LRRC37A3: variants seen among roughly 807,000 people sequenced by gnomAD.
The protein encoded by LRRC37A3 is leucine rich repeat containing 37 member A3, also known as leucine-rich repeat-containing protein 37A3.
LRRC37A3 carries 25 observed loss-of-function variants against 106.2 expected under a neutral mutation model. The ratio of observed to expected loss-of-function variants is 0.24; its 90% CI spans 0.17 to 0.33. The LOEUF (loss-of-function observed/expected upper bound fraction) is 0.33. LRRC37A3 is among the 10% of genes least tolerant of loss of function. The probability of loss-of-function intolerance (pLI) is 1.00; values close to 1 mark genes in which losing one functional copy is unlikely to be tolerated. For missense variants in LRRC37A3, 712 were observed against 1,644.9 expected (o/e 0.43, Z 9.81); for synonymous variants, 305 against 635.8 (o/e 0.48, Z 7.83).
Position 64,860,178 on chromosome 17 carries a change from T to G in LRRC37A3, c.3968A>C (p.Lys1323Thr). Residue 1323 changes from lysine to threonine, a missense_variant, in exon 12 of 15, where the codon AAG (lysine) becomes ACG (threonine). Coordinates refer to ENST00000584306, the MANE Select transcript of LRRC37A3 (RefSeq NM_199340.5). ...ACTTTTCTTTCTGACCTTTGGACTC[T>G]TTTTGACCTTGGGTGTTCTGTGGGT... ...RMTHRTPKVK[K>T]SPKVRKKSYL... 2 of 1,614,004 alleles carry G rather than the reference T, an allele frequency of 1.2e-6. No individual in the cohort carries two copies. The highest frequency in any genetic ancestry group is 1.7e-6 in the Non-Finnish European group (2 of 1,179,872).
Position 64,860,901 on chromosome 17 carries a change from C to A in LRRC37A3, c.3245G>T (p.Ser1082Ile). The A allele has an allele frequency of 6.2e-7, 1 of 1,614,150 alleles. No individual in the cohort carries two copies. Among genetic ancestry groups the A allele is most frequent in the Non-Finnish European group, 8.5e-7 (1 of 1,180,008 alleles). The stretch of plus-strand genomic sequence containing the variant: ...CTCCGGCTCAATAATCAGCTCAGTG[C>A]TTGTGTAATTCTTCCGGGCTTGTAA... ...KVLQARKNYT[S>I]TELIIEPEEP... The change falls in exon 12 of 15, where the codon AGC becomes ATC. Residue 1082 changes from serine to isoleucine, a missense_variant. Ser to Ile is a moderately radical substitution (Grantham distance 142). Coordinates refer to ENST00000584306, the MANE Select transcript of LRRC37A3 (RefSeq NM_199340.5).
At chr17:64,873,889 A>G (rs558009110) in intron 8 of LRRC37A3, among the ~76,000 whole-genome samples, 1 of 152,268 alleles carries the variant, frequency 6.6e-6, no homozygotes, top group Admixed American at 6.5e-5. Context: ...TGAAGAAATG[A>G]TGGCCCCAAA....
chr17:64,915,469 A>T (rs1974683773), intron 2 of LRRC37A3, among the ~76,000 whole-genome samples: 2 of 152,266 alleles, frequency 1.3e-5, no homozygotes, highest in African/African-American at 4.8e-5. Context: ...TGGAACAGCT[A>T]TTATCATTCA....
At chr17:64,866,632 T>A (rs868248149) in intron 10 of LRRC37A3, among the ~76,000 whole-genome samples, 66 of 55,464 alleles carry the variant, frequency 1.2e-3, no homozygotes, top group East Asian at 2.1e-3. Flanking sequence ...ATATATATTT[T>A]TTTTTTTTTT....
At chr17:64,854,845 A>G (rs1046738086) in intron 14 of LRRC37A3, among the ~76,000 whole-genome samples, 1 of 152,158 alleles carries the variant, frequency 6.6e-6, no homozygotes, top group African/African-American at 2.4e-5. Flanking sequence ...AGAGGTTTGT[A>G]CATATCTTTA....
chr17:64,862,313 A>T (rs1353190970), intron 11 of LRRC37A3, among the ~76,000 whole-genome samples: 1 of 152,152 alleles, frequency 6.6e-6, no homozygotes. Context: ...TTGTGAACAG[A>T]AAGGTTTGAG....
chr17:64,916,214 G>A (rs1261860752), intron 2 of LRRC37A3, among the ~76,000 whole-genome samples: 1 of 151,988 alleles, frequency 6.6e-6, no homozygotes, highest in Non-Finnish European at 1.5e-5. Context: ...GACCATCCTG[G>A]CTAACATGGT....
intron 2 of LRRC37A3, chr17:64,909,530 G>C (rs1457467104): frequency 3.9e-5 from 6 of 152,132 alleles, no homozygotes; most frequent in African/African-American, 1.2e-4. Context: ...CAAATCTACA[G>C]AATCCCAGGT....
At chr17:64,861,059 G>C in intron 11 of LRRC37A3, 86 bp from the exon 12 acceptor site, 1 of 1,603,156 alleles carries the variant, frequency 6.2e-7, no homozygotes, top group Non-Finnish European at 8.5e-7. Context: ...CAGTCACACA[G>C]AGTAGGAGTC....
intron 8 of LRRC37A3, among the ~76,000 whole-genome samples, chr17:64,878,831 C>T (rs1296300082): frequency 6.6e-6 from 1 of 152,206 alleles, no homozygotes; most frequent in African/African-American, 2.4e-5. Flanking sequence ...GCTAGGGATG[C>T]ACCCTAGAAT....
Position 64,897,253 on chromosome 17 carries a change from G to A in LRRC37A3, c.5C>T (p.Thr2Ile). 1 of 1,609,808 alleles carries A rather than the reference G, an allele frequency of 6.2e-7. No individual in the cohort carries two copies. The highest frequency in any genetic ancestry group is 1.4e-5 in the African/African-American group (1 of 72,418). Reference sequence around the variant, plus strand: ...CGCTAGTGCCGGGCACTGAGCGGAAGTCATTCTGGCAGCTCCGAGACGCTC... The same window carrying A: ...CGCTAGTGCCGGGCACTGAGCGGAAATCATTCTGGCAGCTCCGAGACGCTC... Reference protein sequence around the residue: MTSAQCPALACV... With the variant: MISAQCPALACV... Residue 2 changes from threonine (T) to isoleucine (I), a missense_variant, in exon 4 of 15, where the codon ACT becomes ATT. Thr to Ile is a moderately conservative substitution (Grantham distance 89). Coordinates refer to ENST00000584306, the MANE Select transcript of LRRC37A3 (RefSeq NM_199340.5).
chr17:64,861,360 G>C (rs539629933), intron 11 of LRRC37A3, among the ~76,000 whole-genome samples: 1 of 152,318 alleles, frequency 6.6e-6, no homozygotes, highest in South Asian at 2.1e-4. Flanking sequence ...GATGCAGAGA[G>C]AGCACAAGGC....
chr17:64,883,553 A>G (rs1333218544), intron 8 of LRRC37A3, among the ~76,000 whole-genome samples: 3 of 151,924 alleles, frequency 2.0e-5, no homozygotes, highest in African/African-American at 4.8e-5. Flanking sequence ...GGCTCTATTC[A>G]TCATCGATCA....
intron 8 of LRRC37A3, among the ~76,000 whole-genome samples, chr17:64,871,306 G>A (rs925677056): frequency 3.9e-5 from 6 of 152,136 alleles, no homozygotes; most frequent in Non-Finnish European, 8.8e-5. Context: ...GCTGAGGCAG[G>A]AGAATTGCTT....
chr17:64,874,403 C>A (rs1180539721), intron 8 of LRRC37A3, among the ~76,000 whole-genome samples: 1 of 150,662 alleles, frequency 6.6e-6, no homozygotes. Context: ...AGGAGCCCCT[C>A]CGCCCGGCAG....
chr17:64,856,862 G>A (rs983595773), intron 13 of LRRC37A3, among the ~76,000 whole-genome samples: 7 of 151,898 alleles, frequency 4.6e-5, no homozygotes, highest in African/African-American at 1.2e-4. Context: ...CTGCCTGCCT[G>A]TAGTCCCAGC....
intron 13 of LRRC37A3, among the ~76,000 whole-genome samples, chr17:64,857,384 A>G (rs1972712230): frequency 6.6e-6 from 1 of 152,264 alleles, no homozygotes; most frequent in Non-Finnish European, 1.5e-5. Context: ...TTAACAAGAA[A>G]TGAATACATG....
intron 8 of LRRC37A3, among the ~76,000 whole-genome samples, chr17:64,869,370 C>A (rs1335351635): frequency 6.6e-6 from 1 of 151,324 alleles, no homozygotes; most frequent in East Asian, 1.9e-4. Context: ...AAGGATAGAA[C>A]GCGGGGAAGA....
intron 2 of LRRC37A3, among the ~76,000 whole-genome samples, chr17:64,916,709 C>G (rs1295894944): frequency 6.6e-6 from 1 of 150,780 alleles, no homozygotes; most frequent in Admixed American, 6.6e-5. Context: ...TGGCTTGAAC[C>G]CAGAAGGTGG....
Sources: allele counts gnomAD v4.1 joint callset (sites outside exome capture counted in the v4.1 genomes callset), GRCh38; gene constraint gnomAD v4.1.1; transcripts MANE v1.5; gene names NCBI Gene and HGNC (gene_info 2026-07-23, HGNC 2026-07-21).